Variants in WDR25 observed in about 807,000 individuals in gnomAD.
The protein encoded by WDR25 is WD repeat domain 25.
A neutral mutation model predicts 47.7 loss-of-function variants in WDR25; 35 were observed. The ratio of observed to expected loss-of-function variants is 0.73; its 90% confidence interval spans 0.56 to 0.97. The LOEUF (loss-of-function observed/expected upper bound fraction) is 0.97, where lower values mean the gene tolerates loss of function less well. Ranked by LOEUF, WDR25 falls within the 50% of genes least tolerant of loss-of-function variation. The pLI, the probability that WDR25 is intolerant of heterozygous loss-of-function variation, is 0.00. For synonymous variants in WDR25, 248 were observed against 278.9 expected (o/e 0.89, Z 1.10); for missense variants, 634 against 704.7 (o/e 0.90, Z 1.14).
intron 4 of WDR25, among the ~76,000 whole-genome samples, chr14:100,485,265 C>G (rs958206311): frequency 6.6e-6 from 1 of 152,160 alleles, no homozygotes; most frequent in Non-Finnish European, 1.5e-5. Flanking sequence ...TCCGCTAGTC[C>G]CCTCTGCTAT....
chr14:100,444,741 G>A (rs745638553), intron 2 of WDR25, among the ~76,000 whole-genome samples: 3 of 152,296 alleles, frequency 2.0e-5, no homozygotes, highest in East Asian at 1.9e-4. Flanking sequence ...AGGAGGCAGC[G>A]GCGAAACAGC....
Position 100,468,020 on chromosome 14 carries a change from G to A in WDR25, c.823-1G>A. 1 of 1,612,610 alleles carries A rather than the reference G, an allele frequency of 6.2e-7. No homozygotes were observed. Among genetic ancestry groups the A allele is most frequent in the South Asian group, 1.1e-5 (1 of 91,032 alleles). On this transcript the variant is annotated splice_acceptor_variant, in intron 2 of 6. Coordinates refer to ENST00000402312, the MANE Select transcript of WDR25 (RefSeq NM_001161476.3). LOFTEE classifies it high-confidence loss of function. The surrounding 1 kb of genome is among the most constrained non-coding windows in gnomAD (Gnocchi z 4.5). ...CTGGTGCTGTCTGTGTTTGCCTGCA[G>A]GTATGGAACGCCGTGGACTCCGGGC...
At position 100,523,737 on chromosome 14, in the gene WDR25, G is replaced by A. The variant is rs537198592; in HGVS notation, c.1102-2133G>A. 6.9e-4 allele frequency among the ~76,000 whole-genome samples: 105 copies of A among 152,238 alleles called. 1 individual carries two copies. In the South Asian group the frequency reaches 0.021, roughly 31 times the overall value. ...TTGTAGGGACATAACCCCTGCATGTGTCATGATCGATCTTCTGCTTTCCCC... is the reference window on the plus strand; with the variant it reads ...TTGTAGGGACATAACCCCTGCATGTATCATGATCGATCTTCTGCTTTCCCC... On this transcript the variant is annotated intron_variant, in intron 4 of 6. Coordinates refer to ENST00000402312, the MANE Select transcript of WDR25 (RefSeq NM_001161476.3). This position sits in a 1 kb window ranked among gnomAD's most constrained non-coding sequence, Gnocchi z 4.7.
intron 3 of WDR25, chr14:100,476,453 G>C (rs540456738): frequency 2.0e-5 from 3 of 152,304 alleles, no homozygotes; most frequent in African/African-American, 7.2e-5. Flanking sequence ...GGAAACACAA[G>C]CTCAATTACC....
At chr14:100,526,684 C>G (rs2030157394) in intron 5 of WDR25, among the ~76,000 whole-genome samples, 1 of 146,320 alleles carries the variant, frequency 6.8e-6, no homozygotes, top group African/African-American at 2.5e-5. Flanking sequence ...AGTGTCATCA[C>G]TGCCACCATC....
At position 100,425,092 on chromosome 14, in the gene WDR25, C is replaced by T. The variant is rs1476921669; in HGVS notation, c.823-42929C>T. 6.6e-6 allele frequency among the ~76,000 whole-genome samples: 1 copy of T among 152,222 alleles called. No homozygotes were observed. The highest frequency in any genetic ancestry group is 1.9e-4 in the East Asian group (1 of 5,186). ...TCAGAAATGTTCTCCCCTGCCTCCCCTTCATGCCCCCAGGCAGCCAGGATT... is the reference window on the plus strand; with the variant it reads ...TCAGAAATGTTCTCCCCTGCCTCCCTTTCATGCCCCCAGGCAGCCAGGATT... On this transcript the variant is annotated intron_variant, in intron 2 of 6. Coordinates refer to ENST00000402312, the MANE Select transcript of WDR25 (RefSeq NM_001161476.3). The surrounding 1 kb of genome is among the most constrained non-coding windows in gnomAD (Gnocchi z 4.8).
chr14:100,490,625 G>T (rs1900531082), intron 4 of WDR25, among the ~76,000 whole-genome samples: 1 of 152,200 alleles, frequency 6.6e-6, no homozygotes, highest in Non-Finnish European at 1.5e-5. Context: ...AACTCTGCAG[G>T]TGATTCTAAT....
chr14:100,530,045 T>C lies in WDR25; in HGVS notation c.*4T>C. 6.2e-7 allele frequency: 1 copy of C among 1,607,356 alleles called. No individual in the cohort carries two copies. Among genetic ancestry groups the C allele is most frequent in the Non-Finnish European group, 8.5e-7 (1 of 1,175,864 alleles). On this transcript the variant is annotated 3_prime_UTR_variant, in exon 7 of 7. Transcript: ENST00000402312. The stretch of plus-strand genomic sequence containing the variant: ...GGACATGAAGATCTGGCACTGAGCT[T>C]TTTGTCACTGAACCTTCCCGATGCC...
intron 3 of WDR25, among the ~76,000 whole-genome samples, chr14:100,475,437 C>G (rs1375506094): frequency 3.9e-5 from 6 of 152,178 alleles, no homozygotes; most frequent in Non-Finnish European, 5.9e-5. Context: ...CAATGGAATA[C>G]TCTACAGCCT....
At chr14:100,463,109 C>T (rs1338969592) in intron 2 of WDR25, among the ~76,000 whole-genome samples, 3 of 150,070 alleles carry the variant, frequency 2.0e-5, no homozygotes, top group Admixed American at 6.7e-5. Context: ...CTTTTCCTCC[C>T]TTTCCGTTTC....
At chr14:100,416,211 G>A (rs1897864063) in intron 2 of WDR25, among the ~76,000 whole-genome samples, 1 of 152,196 alleles carries the variant, frequency 6.6e-6, no homozygotes, top group Non-Finnish European at 1.5e-5. Flanking sequence ...CCTGTGAAGG[G>A]TATTCATTTT....
At chr14:100,483,716 C>G (rs1191025725) in intron 3 of WDR25, among the ~76,000 whole-genome samples, 1 of 152,138 alleles carries the variant, frequency 6.6e-6, no homozygotes, top group East Asian at 1.9e-4. Flanking sequence ...ATGCTTACAG[C>G]AAATGTGAAA....
intron 2 of WDR25, among the ~76,000 whole-genome samples, chr14:100,434,433 A>G (rs1898437957): frequency 6.6e-6 from 1 of 152,236 alleles, no homozygotes; most frequent in Non-Finnish European, 1.5e-5. Flanking sequence ...CTTCTGCAAA[A>G]AGAGGTCTAG....
intron 4 of WDR25, among the ~76,000 whole-genome samples, chr14:100,507,409 T>A (rs1043941537): frequency 6.6e-6 from 1 of 152,156 alleles, no homozygotes; most frequent in African/African-American, 2.4e-5. Context: ...TTCATATGAA[T>A]TTTAGAGCAG....
At chr14:100,382,219 A>C in intron 2 of WDR25, 1 of 702,134 alleles carries the variant, frequency 1.4e-6, no homozygotes, top group South Asian at 1.5e-5. Context: ...AAGTACACAG[A>C]CTCAACCCTG....
chr14:100,382,099 C>T (rs1260689678), intron 2 of WDR25: 1 of 702,962 alleles, frequency 1.4e-6, no homozygotes, highest in Non-Finnish European at 2.6e-6. Flanking sequence ...GAGCATTGAG[C>T]CATGCCAGCT....
chr14:100,443,199 A>G (rs981799108), intron 2 of WDR25, among the ~76,000 whole-genome samples: 2 of 152,268 alleles, frequency 1.3e-5, no homozygotes, highest in African/African-American at 4.8e-5. Context: ...TCACCACTGC[A>G]TATAACAGCC....
intron 3 of WDR25, among the ~76,000 whole-genome samples, chr14:100,476,213 G>C (rs553183322): frequency 6.6e-6 from 1 of 152,364 alleles, no homozygotes; most frequent in South Asian, 2.1e-4. Context: ...GATGGGGAAT[G>C]TTCAGATGCA....
At position 100,530,069 on chromosome 14, in the gene WDR25, C is replaced by T; in HGVS notation, c.*28C>T. On this transcript the variant is annotated 3_prime_UTR_variant, in exon 7 of 7. Transcript: ENST00000402312. ...TTTTTGTCACTGAACCTTCCCGATGCCAGCTGGGCTCTTGGACTCCCCTCT... is the reference window on the plus strand; with the variant it reads ...TTTTTGTCACTGAACCTTCCCGATGTCAGCTGGGCTCTTGGACTCCCCTCT... 1 of 1,587,844 alleles carries T rather than the reference C, an allele frequency of 6.3e-7. No homozygotes were observed. Among genetic ancestry groups the T allele is most frequent in the South Asian group, 1.1e-5 (1 of 87,834 alleles).
Sources: allele counts gnomAD v4.1 joint callset (sites outside exome capture counted in the v4.1 genomes callset), GRCh38; gene constraint gnomAD v4.1.1; non-coding constraint Gnocchi (gnomAD v3.1); transcripts MANE v1.5; gene names NCBI Gene and HGNC (gene_info 2026-07-23, HGNC 2026-07-21).